The following GPD1L variants were observed in gnomAD, a reference collection of about 807,000 sequenced individuals.
GPD1L encodes glycerol-3-phosphate dehydrogenase 1 like, also known as glycerol-3-phosphate dehydrogenase 1-like protein.
GPD1L carries 17 observed loss-of-function variants against 32.9 expected under a neutral mutation model. The ratio of observed to expected loss-of-function variants is 0.52; its 90% CI spans 0.35 to 0.78. The LOEUF is 0.78. Ranked by LOEUF, GPD1L falls within the 30% of genes least tolerant of loss-of-function variation. GPD1L has a pLI of 0.01. For missense variants in GPD1L, 361 were observed against 447.8 expected (o/e 0.81, Z 1.75); for synonymous variants, 187 against 165.9 (o/e 1.13, Z -0.98).
In GPD1L at chr3:32,138,485, G is replaced by T. The variant is rs1700696881; in HGVS notation, c.226-102G>T. The T allele has an allele frequency of 2.8e-6, 3 of 1,064,704 alleles. No individual in the cohort carries two copies. In the Admixed American group the frequency reaches 5.1e-5, roughly 18 times the overall value. The allele number at this position is 1,064,704 out of a possible 1,614,324, so 66.0% of individuals were successfully genotyped here. ...TCCTTGTCTATCTGTGCAATGCTCT[G>T]CACATAGTAGGCATCTGATAAATGG... On this transcript the variant is annotated intron_variant, in intron 2 of 7. Coordinates refer to ENST00000282541, the MANE Select transcript of GPD1L (RefSeq NM_015141.4).
In GPD1L at chr3:32,128,122, C is replaced by A; in HGVS notation, c.94C>A (p.Gln32Lys). 1 of 1,612,860 alleles carries A rather than the reference C, an allele frequency of 6.2e-7. No homozygotes were observed. Among genetic ancestry groups the A allele is most frequent in the Non-Finnish European group, 8.5e-7 (1 of 1,178,872 alleles). ...KIIGNNVKKL[Q>K]KFASTVKMWV... ...AATTGGTAATAATGTCAAGAAACTT[C>A]AGAAATTTGCCTCCACAGTCAAGAT... The change falls in exon 2 of 8, where the codon CAG becomes AAG. Residue 32 changes from glutamine (Q) to lysine (K), a missense_variant. Coordinates refer to ENST00000282541, the MANE Select transcript of GPD1L (RefSeq NM_015141.4).
At chr3:32,163,993 A>C (rs969731467) in intron 7 of GPD1L, among the ~76,000 whole-genome samples, 4 of 152,190 alleles carry the variant, frequency 2.6e-5, no homozygotes, top group Admixed American at 2.6e-4. Context: ...ATTCACTTTT[A>C]CACTCAGGAA....
rs775843493 is a variant in GPD1L at position 32,159,086 on chromosome 3, G to A, written c.829G>A (p.Glu277Lys). Residue 277 changes from glutamate (E) to lysine (K), a missense_variant, in exon 6 of 8, where the codon GAG (glutamate) becomes AAG (lysine). Physicochemically the swap from Glu to Lys is moderately conservative, Grantham distance 56. Transcript: ENST00000282541. ...CYGGRNRRVA[E>K]AFARTGKTIE... ...CGGAGGGCGGAACCGCAGGGTGGCC[G>A]AGGCCTTCGCCAGAACTGGGAAGGT... is the stretch of plus-strand genomic sequence containing the variant. 6 of 1,613,512 alleles carry A rather than the reference G, an allele frequency of 3.7e-6. No homozygotes were observed. The highest frequency in any genetic ancestry group is 2.2e-5 in the East Asian group (1 of 44,896).
At chr3:32,148,990 A>G (rs927155257) in intron 5 of GPD1L, among the ~76,000 whole-genome samples, 11 of 152,234 alleles carry the variant, frequency 7.2e-5, no homozygotes, top group African/African-American at 2.7e-4. Flanking sequence ...TTTAGTGTGT[A>G]CCTATGTGTA....
rs562625367 is a variant in GPD1L at position 32,154,027 on chromosome 3, T to C, written c.619-4849T>C. Among the ~76,000 whole-genome samples the C allele has an allele frequency of 4.6e-5, 7 of 152,304 alleles. No homozygotes were observed. In the East Asian group the frequency reaches 1.4e-3, roughly 29 times the overall value. On this transcript the variant is annotated intron_variant, in intron 5 of 7. Transcript: ENST00000282541. ...AGTGGATAATGATAACTTTCACATC[T>C]GAGCGATCTCGGAGGACATCTGCTC...
intron 1 of GPD1L, among the ~76,000 whole-genome samples, chr3:32,113,627 G>T (rs1404362449): frequency 6.6e-6 from 1 of 152,096 alleles, no homozygotes. Flanking sequence ...CTGCTTTGAG[G>T]CTCAGTCTCT....
chr3:32,119,069 A>G (rs1167344271), intron 1 of GPD1L, among the ~76,000 whole-genome samples: 4 of 152,212 alleles, frequency 2.6e-5, no homozygotes, highest in African/African-American at 4.8e-5. Context: ...TAGTGTTGCT[A>G]TGAACATGGG....
chr3:32,163,209 C>T (rs1701096321), intron 7 of GPD1L, among the ~76,000 whole-genome samples: 1 of 138,986 alleles, frequency 7.2e-6, no homozygotes, highest in Non-Finnish European at 1.5e-5. Flanking sequence ...TGCTCTGTCG[C>T]CCAGGCTGGA....
intron 1 of GPD1L, among the ~76,000 whole-genome samples, chr3:32,127,391 A>G (rs1025270046): frequency 6.6e-6 from 1 of 152,124 alleles, no homozygotes; most frequent in East Asian, 1.9e-4. Context: ...GCCTGGTCCA[A>G]CCTCCTCTGC....
rs922209076 is a variant in GPD1L, at chr3:32,158,972, G to A, written c.715G>A (p.Ala239Thr). ...VIRLGLMEMI[A>T]FARIFCKGQV... Reference sequence around the variant, plus strand: ...CCGCCTGGGACTCATGGAAATGATTGCTTTTGCCAGGATCTTCTGCAAAGG... The same window carrying A: ...CCGCCTGGGACTCATGGAAATGATTACTTTTGCCAGGATCTTCTGCAAAGG... The change falls in exon 6 of 8, where the codon GCT (alanine) becomes ACT (threonine). Residue 239 changes from alanine (A) to threonine (T), a missense_variant. Transcript: ENST00000282541. 3 of 1,614,114 alleles carry A rather than the reference G, an allele frequency of 1.9e-6. No homozygotes were observed. Among genetic ancestry groups the A allele is most frequent in the Non-Finnish European group, 2.5e-6 (3 of 1,180,026 alleles).
chr3:32,162,398 A>C (rs1344111372), intron 7 of GPD1L, among the ~76,000 whole-genome samples: 2 of 119,174 alleles, frequency 1.7e-5, no homozygotes, highest in African/African-American at 7.6e-5. Context: ...TTTTTTTTTG[A>C]GACGGAGTCT....
intron 2 of GPD1L, among the ~76,000 whole-genome samples, chr3:32,132,602 T>C (rs1370106599): frequency 6.6e-6 from 1 of 152,210 alleles, no homozygotes; most frequent in African/African-American, 2.4e-5. Context: ...TAGTTTTCCC[T>C]GGTGATCTTC....
In GPD1L at chr3:32,136,780, T is replaced by A. The variant is rs1480584729; in HGVS notation, c.226-1807T>A. ...CCATGTTTTTTGTTTTTTTTTCCCC[T>A]GTACCATCTCCTAAGCCTTGTAACC... On this transcript the variant is annotated intron_variant, in intron 2 of 7. Transcript: ENST00000282541. Among the ~76,000 whole-genome samples, 3 of 152,038 alleles carry A rather than the reference T, an allele frequency of 2.0e-5. No homozygotes were observed. The East Asian group carries it at 5.8e-4, about 29-fold the overall frequency.
At chr3:32,153,795 T>C (rs1409505253) in intron 5 of GPD1L, among the ~76,000 whole-genome samples, 1 of 152,196 alleles carries the variant, frequency 6.6e-6, no homozygotes, top group Non-Finnish European at 1.5e-5. Flanking sequence ...CTGTTCTTTA[T>C]TCTTTTTGTG....
chr3:32,123,823 TAGATAGATAGATAGATAGACAGAC>T (rs1157762002), intron 1 of GPD1L, among the ~76,000 whole-genome samples: 149 of 147,138 alleles, frequency 1.0e-3, no homozygotes, highest in Non-Finnish European at 1.7e-3. Context: ...GATAGATAGA[TAGATAGATAGATAGATAGACAGAC>T]AGATAAGACC....
intron 4 of GPD1L, among the ~76,000 whole-genome samples, chr3:32,145,169 C>T (rs901579990): frequency 1.3e-5 from 2 of 151,818 alleles, no homozygotes; most frequent in Non-Finnish European, 2.9e-5. Flanking sequence ...AAATACAAAA[C>T]TTAGCCGAGT....
chr3:32,145,406 T>C (rs936486214), intron 4 of GPD1L, among the ~76,000 whole-genome samples: 7 of 152,216 alleles, frequency 4.6e-5, no homozygotes, highest in Admixed American at 3.9e-4. Context: ...GAGATTGCTA[T>C]AAATCAAGCC....
chr3:32,141,623 G>A (rs1292801642), intron 4 of GPD1L, among the ~76,000 whole-genome samples: 1 of 152,026 alleles, frequency 6.6e-6, no homozygotes, highest in Non-Finnish European at 1.5e-5. Context: ...GAAAAGAATA[G>A]CCTATGATAC....
chr3:32,146,376 G>T (rs115862528), intron 4 of GPD1L, among the ~76,000 whole-genome samples: 2 of 152,072 alleles, frequency 1.3e-5, no homozygotes, highest in South Asian at 4.1e-4. Flanking sequence ...GTGAGTCATC[G>T]TGTCTGGCCA....
Sources: gnomAD v4.1 joint callset for allele counts (sites outside exome capture counted in the v4.1 genomes callset) on GRCh38, gnomAD v4.1.1 for gene constraint, MANE v1.5 for transcripts, NCBI Gene and HGNC (gene_info 2026-07-23, HGNC 2026-07-21) for gene names.